Variants in KAT2B observed in about 807,000 individuals in gnomAD.
KAT2B encodes histone acetyltransferase KAT2B.
In KAT2B, 36 loss-of-function variants were observed where a neutral mutation model predicts 105.9. That is an observed-to-expected ratio of 0.34 (90% confidence interval 0.26 to 0.45). KAT2B has a LOEUF of 0.45. Among genes scored for constraint, KAT2B ranks in the 20% least tolerant of loss-of-function variants. KAT2B has a pLI of 1.00. For missense variants in KAT2B, 820 were observed against 1,021.6 expected (o/e 0.80, Z 2.69); for synonymous variants, 397 against 377.9 (o/e 1.05, Z -0.59).
At chr3:20,119,456 T>G in intron 7 of KAT2B, 142 bp from the exon 8 acceptor site, 1 of 721,764 alleles carries the variant, frequency 1.4e-6, no homozygotes. Context: ...TTTACTATTT[T>G]GATGCCTTGT....
At chr3:20,149,516 A>T (rs1296142785) in intron 17 of KAT2B, among the ~76,000 whole-genome samples, 2 of 149,562 alleles carry the variant, frequency 1.3e-5, no homozygotes, top group African/African-American at 2.5e-5. Flanking sequence ...AAAAAAAAAA[A>T]AAAATTGTGG....
rs1488365011 is a variant in KAT2B, at chr3:20,148,430, G to A, written c.2248G>A (p.Glu750Lys). ...CCATCAAAGCGCTTGGCCCTTCATG[G>A]AACCTGTGAAGAGAACAGAAGCTCC... Reference protein sequence around the residue: ...KSHQSAWPFMEPVKRTEAPGY... With the variant: ...KSHQSAWPFMKPVKRTEAPGY... Residue 750 changes from glutamate to lysine, a missense_variant, in exon 17 of 18, where the codon GAA (glutamate) becomes AAA (lysine). Glu to Lys is a moderately conservative substitution (Grantham distance 56). Coordinates refer to ENST00000263754, the MANE Select transcript of KAT2B (RefSeq NM_003884.5). The A allele has an allele frequency of 1.2e-6, 2 of 1,611,286 alleles. No homozygotes were observed. Among genetic ancestry groups the A allele is most frequent in the Non-Finnish European group, 1.7e-6 (2 of 1,179,264 alleles).
At chr3:20,128,240 A>G (rs1699445706) in intron 11 of KAT2B, among the ~76,000 whole-genome samples, 1 of 152,234 alleles carries the variant, frequency 6.6e-6, no homozygotes, top group Non-Finnish European at 1.5e-5. Context: ...ACATACACGC[A>G]AACATGTAAT....
At position 20,085,697 on chromosome 3, in the gene KAT2B, G is replaced by C. The variant is rs192633431; in HGVS notation, c.431-9566G>C. 4.7e-3 allele frequency among the ~76,000 whole-genome samples: 713 copies of C among 151,960 alleles called. 7 individuals are homozygous for C. The highest frequency in any genetic ancestry group is 0.016 in the African/African-American group (675 of 41,484). On this transcript the variant is annotated intron_variant, in intron 2 of 17. Coordinates refer to ENST00000263754, the MANE Select transcript of KAT2B (RefSeq NM_003884.5). Reference sequence around the variant, plus strand: ...GGCTATTTTTTGTGTTTTTAGTAGAGACAGGGTTTTGCCACACTAGCCAGG... The same window carrying C: ...GGCTATTTTTTGTGTTTTTAGTAGACACAGGGTTTTGCCACACTAGCCAGG...
chr3:20,122,559 T>G (rs951322924), intron 8 of KAT2B, 109 bp from the exon 9 acceptor site: 1 of 776,360 alleles, frequency 1.3e-6, no homozygotes. Flanking sequence ...GTGGTAAAGA[T>G]AGAGTTGACC....
intron 17 of KAT2B, among the ~76,000 whole-genome samples, chr3:20,150,397 T>G (rs1429066715): frequency 6.6e-6 from 1 of 152,204 alleles, no homozygotes; most frequent in African/African-American, 2.4e-5. Context: ...TGAAAAACTG[T>G]TTCTCTCATA....
At chr3:20,120,002 A>G (rs1163584897) in intron 8 of KAT2B, among the ~76,000 whole-genome samples, 3 of 152,134 alleles carry the variant, frequency 2.0e-5, no homozygotes. Flanking sequence ...CTTGGTTGCA[A>G]GTTACCCATT....
chr3:20,144,276 C>CTTTTTTT (rs761735374), intron 13 of KAT2B, among the ~76,000 whole-genome samples: 6 of 89,390 alleles, frequency 6.7e-5, no homozygotes, highest in African/African-American at 8.9e-5. Context: ...CCTTGGGATT[C>CTTTTTTT]TTTTTTTTTT....
intron 1 of KAT2B, among the ~76,000 whole-genome samples, chr3:20,052,588 T>A (rs1339254010): frequency 2.0e-5 from 3 of 150,848 alleles, no homozygotes; most frequent in African/African-American, 7.3e-5. Context: ...ATGCCTGTAA[T>A]CCCAGCACTT....
chr3:20,148,527 C>A, intron 17 of KAT2B, 40 bp downstream of exon 17: 2 of 1,411,428 alleles, frequency 1.4e-6, no homozygotes, highest in Non-Finnish European at 1.9e-6. Flanking sequence ...ATTTAAAACT[C>A]TGGATGGCGG....
At chr3:20,057,566 T>C (rs796727176) in intron 1 of KAT2B, among the ~76,000 whole-genome samples, 19 of 152,346 alleles carry the variant, frequency 1.2e-4, no homozygotes, top group African/African-American at 4.6e-4. Context: ...TGTGTCGAAG[T>C]CTGAGCTGAC....
intron 4 of KAT2B, among the ~76,000 whole-genome samples, 173 bp downstream of exon 4, chr3:20,100,127 A>G (rs961429074): frequency 4.6e-5 from 7 of 152,198 alleles, no homozygotes; most frequent in African/African-American, 1.4e-4. Flanking sequence ...ACCTAATTTA[A>G]TACATGATCT....
At chr3:20,072,881 G>C (rs1322304490) in intron 2 of KAT2B, among the ~76,000 whole-genome samples, 1 of 152,158 alleles carries the variant, frequency 6.6e-6, no homozygotes, top group Middle Eastern at 3.4e-3. Context: ...ACTTTCTGGG[G>C]TGCTTCATTT....
At chr3:20,051,589 C>G (rs1697917028) in intron 1 of KAT2B, among the ~76,000 whole-genome samples, 1 of 152,162 alleles carries the variant, frequency 6.6e-6, no homozygotes, top group Non-Finnish European at 1.5e-5. Flanking sequence ...TTATGTGGGC[C>G]TAGTTGATAG....
In KAT2B at chr3:20,148,412, A is replaced by G; in HGVS notation, c.2230A>G (p.Ser744Gly). Residue 744 changes from serine to glycine, a missense_variant, in exon 17 of 18, where the codon AGC (serine) becomes GGC (glycine). Ser to Gly is a moderately conservative substitution (Grantham distance 56). Transcript: ENST00000263754. ...SILQQVKSHQSAWPFMEPVKR... is the reference protein window; with the variant it reads ...SILQQVKSHQGAWPFMEPVKR... ...TTTTTCTTTACCCAAGAGCCATCAA[A>G]GCGCTTGGCCCTTCATGGAACCTGT... 6.2e-7 allele frequency: 1 copy of G among 1,610,694 alleles called. No homozygotes were observed. Among genetic ancestry groups the G allele is most frequent in the East Asian group, 2.2e-5 (1 of 44,874 alleles).
chr3:20,147,700 A>G (rs779254313), intron 14 of KAT2B, among the ~76,000 whole-genome samples: 3 of 152,204 alleles, frequency 2.0e-5, no homozygotes, highest in Non-Finnish European at 1.5e-5. Context: ...AGTACTGTAC[A>G]TATTTATTTT....
chr3:20,090,698 G>C (rs1234968763), intron 2 of KAT2B, among the ~76,000 whole-genome samples: 5 of 152,160 alleles, frequency 3.3e-5, no homozygotes, highest in Middle Eastern at 3.4e-3. Flanking sequence ...GTATAATGCT[G>C]ACCTTGTAAA....
chr3:20,092,085 C>T (rs961091008), intron 2 of KAT2B, among the ~76,000 whole-genome samples: 5 of 152,026 alleles, frequency 3.3e-5, no homozygotes, highest in Non-Finnish European at 5.9e-5. Context: ...CTGTTAGGTC[C>T]ATTTTCTTTA....
intron 1 of KAT2B, 39 bp downstream of exon 1, chr3:20,040,819 G>A: frequency 6.5e-7 from 1 of 1,547,692 alleles, no homozygotes; most frequent in South Asian, 1.2e-5. Flanking sequence ...ATGGGTGCTA[G>A]GGGCCCAGCC....
Sources: gnomAD v4.1 joint callset for allele counts (sites outside exome capture counted in the v4.1 genomes callset) on GRCh38, gnomAD v4.1.1 for gene constraint, MANE v1.5 for transcripts, NCBI Gene and HGNC (gene_info 2026-07-23, HGNC 2026-07-21) for gene names.